Variants in RPRD2 observed in about 807,000 individuals in gnomAD.
RPRD2 encodes regulation of nuclear pre-mRNA domain-containing protein 2.
A neutral mutation model predicts 104.4 loss-of-function variants in RPRD2; 12 were observed. The observed-to-expected ratio is 0.11, with a 90% confidence interval of 0.07 to 0.19. RPRD2 has a LOEUF of 0.19. RPRD2 is among the 10% of genes least tolerant of loss of function. RPRD2 has a pLI of 1.00. For missense variants in RPRD2, 1,543 were observed against 1,790.1 expected (o/e 0.86, Z 2.49); for synonymous variants, 714 against 684.9 (o/e 1.04, Z -0.66).
chr1:150,435,385 T>G (rs1553892895), intron 2 of RPRD2, among the ~76,000 whole-genome samples: 1 of 152,174 alleles, frequency 6.6e-6, no homozygotes, highest in East Asian at 1.9e-4. Flanking sequence ...AAGATTAAGC[T>G]TAGTGAGTAA....
intron 2 of RPRD2, among the ~76,000 whole-genome samples, chr1:150,435,822 A>G (rs587729322): frequency 6.6e-6 from 1 of 152,340 alleles, no homozygotes; most frequent in African/African-American, 2.4e-5. Flanking sequence ...CAGATTTTCA[A>G]GGTAGATGAA....
chr1:150,420,260 CA>C (rs1394956612), intron 2 of RPRD2, among the ~76,000 whole-genome samples: 10 of 151,212 alleles, frequency 6.6e-5, no homozygotes, highest in Non-Finnish European at 1.3e-4. Context: ...TTTTTTAAAC[CA>C]TGTAAAGATA....
intron 1 of RPRD2, among the ~76,000 whole-genome samples, chr1:150,381,361 A>G (rs1560151972): frequency 6.6e-6 from 1 of 151,962 alleles, no homozygotes; most frequent in African/African-American, 2.4e-5. Context: ...GGTTGAGGCT[A>G]CACTGAATTG....
At position 150,429,249 on chromosome 1, in the gene RPRD2, C is replaced by T. The variant is rs192551844; in HGVS notation, c.335+11524C>T. Among the ~76,000 whole-genome samples, 277 of 152,150 alleles carry T rather than the reference C, an allele frequency of 1.8e-3. 2 individuals carry two copies. The highest frequency in any genetic ancestry group is 3.7e-3 in the Admixed American group (56 of 15,274). ...CTGGGATTACAGGCATGCGCCACCACGCCTGACTAATTTTGTATTTTTAGT... is the reference window on the plus strand; with the variant it reads ...CTGGGATTACAGGCATGCGCCACCATGCCTGACTAATTTTGTATTTTTAGT... On this transcript the variant is annotated intron_variant, in intron 2 of 10. Transcript: ENST00000369068.
intron 1 of RPRD2, among the ~76,000 whole-genome samples, chr1:150,374,452 A>G (rs1660553372): frequency 6.6e-6 from 1 of 152,174 alleles, no homozygotes; most frequent in Non-Finnish European, 1.5e-5. Flanking sequence ...ATGGAACCCA[A>G]GAAGGGGGTT....
chr1:150,473,368 A>G lies in RPRD2; in HGVS notation c.*34A>G, dbSNP rs778667656. Reference sequence around the variant, plus strand: ...AAGGGAAAGGCATTTTGAACAGTCTAGAGAACATTGGAAGTAGGAGTTTGG... The same window carrying G: ...AAGGGAAAGGCATTTTGAACAGTCTGGAGAACATTGGAAGTAGGAGTTTGG... On this transcript the variant is annotated 3_prime_UTR_variant, in exon 11 of 11. Coordinates refer to ENST00000369068, the MANE Select transcript of RPRD2 (RefSeq NM_015203.5). 8.5e-6 allele frequency: 13 copies of G among 1,523,116 alleles called. No homozygotes were observed. Among genetic ancestry groups the G allele is most frequent in the Non-Finnish European group, 1.1e-5 (12 of 1,135,022 alleles). The allele number at this position is 1,523,116 out of a possible 1,614,324, so 94.4% of individuals were successfully genotyped here.
chr1:150,454,815 T>C (rs587659671), intron 7 of RPRD2, among the ~76,000 whole-genome samples: 9 of 152,192 alleles, frequency 5.9e-5, no homozygotes, highest in Admixed American at 4.6e-4. Context: ...GCCACTACAC[T>C]CAAGCCTGGG....
At chr1:150,412,887 A>G (rs1461332471) in intron 1 of RPRD2, among the ~76,000 whole-genome samples, 1 of 152,152 alleles carries the variant, frequency 6.6e-6, no homozygotes, top group Non-Finnish European at 1.5e-5. Context: ...TGTAGACTTA[A>G]TACCTGGGAG....
chr1:150,469,271 T>A (rs1258487198), intron 10 of RPRD2, among the ~76,000 whole-genome samples: 3 of 152,146 alleles, frequency 2.0e-5, no homozygotes, highest in African/African-American at 4.8e-5. Context: ...ATATTAAAAA[T>A]TTTTTTAATT....
At chr1:150,455,653 A>C (rs1667479458) in intron 7 of RPRD2, among the ~76,000 whole-genome samples, 1 of 151,888 alleles carries the variant, frequency 6.6e-6, no homozygotes, top group Admixed American at 6.6e-5. Flanking sequence ...AACCTGAGGA[A>C]ATCTAAAGTA....
At chr1:150,423,990 C>T (rs1333087340) in intron 2 of RPRD2, among the ~76,000 whole-genome samples, 1 of 151,960 alleles carries the variant, frequency 6.6e-6, no homozygotes, top group Non-Finnish European at 1.5e-5. Flanking sequence ...CGGGGTTTCT[C>T]CATGTTGGTC....
intron 1 of RPRD2, among the ~76,000 whole-genome samples, chr1:150,398,066 C>T (rs1553884552): frequency 6.6e-6 from 1 of 152,034 alleles, no homozygotes; most frequent in Non-Finnish European, 1.5e-5. Context: ...TGTCTCACAG[C>T]AACCTCTGTC....
chr1:150,414,317 C>A (rs1553888187), intron 1 of RPRD2, among the ~76,000 whole-genome samples: 1 of 152,126 alleles, frequency 6.6e-6, no homozygotes, highest in African/African-American at 2.4e-5. Context: ...TTCTAACAAT[C>A]CTGTAAGGTT....
At position 150,364,661 on chromosome 1, in the gene RPRD2, G is replaced by GCCA; in HGVS notation, c.-52_-51insACC. ...AGTGATTGTTTTGCCCGCTCCCGCC[G>GCCA]CCGCCGCCGCCGCCGCCGCCAGAGG... is the stretch of plus-strand genomic sequence containing the variant. On this transcript the variant is annotated 5_prime_UTR_variant, in exon 1 of 11. Coordinates refer to ENST00000369068, the MANE Select transcript of RPRD2 (RefSeq NM_015203.5). 1.0e-6 allele frequency: 1 copy of GCCA among 977,152 alleles called. No individual in the cohort carries two copies. The highest frequency in any genetic ancestry group is 1.6e-5 in the South Asian group (1 of 64,348). The allele number at this position is 977,152 out of a possible 1,614,324, so 60.5% of individuals were successfully genotyped here.
intron 10 of RPRD2, among the ~76,000 whole-genome samples, chr1:150,469,990 G>A (rs11205382): frequency 0.39 from 59,716 of 151,684 alleles, 12,310 homozygotes; most frequent in East Asian, 0.7. Context: ...CTACCAAGAG[G>A]TGCTTCTTGA....
intron 7 of RPRD2, among the ~76,000 whole-genome samples, chr1:150,452,375 A>G (rs1044306704): frequency 3.3e-5 from 5 of 152,148 alleles, no homozygotes; most frequent in African/African-American, 1.2e-4. Context: ...CTTCAGAGAC[A>G]ATAAATTTCT....
At chr1:150,379,863 A>C (rs587645930) in intron 1 of RPRD2, among the ~76,000 whole-genome samples, 1 of 152,354 alleles carries the variant, frequency 6.6e-6, no homozygotes, top group Non-Finnish European at 1.5e-5. Context: ...GTAAATAGCC[A>C]TAGCTATAAC....
chr1:150,412,104 T>C (rs1420751851), intron 1 of RPRD2, among the ~76,000 whole-genome samples: 1 of 151,858 alleles, frequency 6.6e-6, no homozygotes, highest in African/African-American at 2.4e-5. Flanking sequence ...GCCTGGGCGA[T>C]AGAGTGAGAC....
chr1:150,453,970 G>A (rs1220530639), intron 7 of RPRD2, among the ~76,000 whole-genome samples: 1 of 152,160 alleles, frequency 6.6e-6, no homozygotes, highest in African/African-American at 2.4e-5. Flanking sequence ...CTTCTGGAAT[G>A]TAGATTTTTC....
Sources: gnomAD v4.1 joint callset for allele counts (sites outside exome capture counted in the v4.1 genomes callset) on GRCh38, gnomAD v4.1.1 for gene constraint, MANE v1.5 for transcripts, NCBI Gene and HGNC (gene_info 2026-07-23, HGNC 2026-07-21) for gene names.